Variants in MAD1L1 observed in about 807,000 individuals in gnomAD.
The protein encoded by MAD1L1 is mitotic spindle assembly checkpoint protein MAD1.
Under a neutral mutation model 96.9 loss-of-function variants are expected in MAD1L1, and 95 were observed. The observed-to-expected ratio is 0.98, with a 90% confidence interval of 0.83 to 1.16. The LOEUF is 1.16. Ranked by LOEUF, MAD1L1 falls within the 50% of genes most tolerant of loss-of-function variation. MAD1L1 has a pLI of 0.00. For synonymous variants in MAD1L1, 473 were observed against 396.6 expected, an observed-to-expected ratio of 1.19 and a Z score of -2.29; for missense variants, 1,007 against 954.4, an observed-to-expected ratio of 1.06 and a Z score of -0.73.
intron 17 of MAD1L1, among the ~76,000 whole-genome samples, chr7:1,931,310 G>A (rs1047610129): frequency 8.5e-5 from 13 of 152,258 alleles, no homozygotes; most frequent in African/African-American, 2.9e-4. Flanking sequence ...CTGACACTGC[G>A]GGCACACCCT....
intron 11 of MAD1L1, among the ~76,000 whole-genome samples, chr7:2,083,581 G>A (rs1584278445): frequency 1.3e-5 from 2 of 152,332 alleles, no homozygotes; most frequent in Non-Finnish European, 1.5e-5. Context: ...AGCGCAGGGC[G>A]GGCTGTCGGG....
At chr7:1,845,433 C>T (rs35729895) in intron 18 of MAD1L1, 2,399 of 68,072 alleles carry the variant, frequency 0.035, 26 homozygotes, top group South Asian at 0.068. Flanking sequence ...CTCTGGTTCA[C>T]GGGGAAGAGC....
chr7:2,219,584 AGGGGCAGAGGAATAAG>A, intron 5 of MAD1L1, 128 bp from the exon 6 acceptor site: 2 of 697,354 alleles, frequency 2.9e-6, no homozygotes, highest in Admixed American at 3.4e-5. Flanking sequence ...CAGGAGGCAG[AGGGGCAGAGGAATAAG>A]GGGGCAGAGG....
chr7:2,232,649 A>G (rs938082700), intron 1 of MAD1L1, among the ~76,000 whole-genome samples: 1 of 151,924 alleles, frequency 6.6e-6, no homozygotes, highest in African/African-American at 2.4e-5. Flanking sequence ...CACAGCCCAA[A>G]GGGGGAGTGG....
chr7:1,863,617 CT>C (rs987791692), intron 18 of MAD1L1, among the ~76,000 whole-genome samples: 5 of 152,216 alleles, frequency 3.3e-5, no homozygotes, highest in Admixed American at 6.5e-5. Context: ...AGACCGTCAC[CT>C]GCCCACACCC....
At chr7:1,894,284 C>T (rs910911560) in intron 18 of MAD1L1, among the ~76,000 whole-genome samples, 21 of 152,170 alleles carry the variant, frequency 1.4e-4, no homozygotes, top group African/African-American at 3.9e-4. Flanking sequence ...AAGGGCAGCT[C>T]GGAGGAGGAC....
chr7:2,013,110 G>A (rs1200653873), intron 13 of MAD1L1, among the ~76,000 whole-genome samples: 1 of 152,250 alleles, frequency 6.6e-6, no homozygotes, highest in Non-Finnish European at 1.5e-5. Context: ...AGGGGCCAGA[G>A]GCTCTGTCAG....
chr7:1,855,261 C>T (rs777473895), intron 18 of MAD1L1, among the ~76,000 whole-genome samples: 9 of 152,058 alleles, frequency 5.9e-5, no homozygotes, highest in African/African-American at 1.7e-4. Context: ...CACACCCACA[C>T]GAGCCTCCCT....
chr7:1,888,217 T>C (rs1057070794), intron 18 of MAD1L1, among the ~76,000 whole-genome samples: 2 of 150,990 alleles, frequency 1.3e-5, no homozygotes, highest in Middle Eastern at 6.9e-3. Context: ...TGTGCATGTG[T>C]GTGCATGCAT....
chr7:2,022,845 G>T (rs1782845825), intron 12 of MAD1L1, among the ~76,000 whole-genome samples: 1 of 152,098 alleles, frequency 6.6e-6, no homozygotes, highest in African/African-American at 2.4e-5. Context: ...CACTTTGAAA[G>T]GAAAGGAAGA....
intron 14 of MAD1L1, among the ~76,000 whole-genome samples, chr7:1,981,547 C>G (rs750200629): frequency 6.6e-6 from 1 of 152,152 alleles, no homozygotes; most frequent in Non-Finnish European, 1.5e-5. Flanking sequence ...AATCCTGCCC[C>G]TGGCCCAAGT....
intron 12 of MAD1L1, among the ~76,000 whole-genome samples, chr7:2,048,177 G>A (rs1017490065): frequency 1.3e-5 from 2 of 152,168 alleles, no homozygotes; most frequent in African/African-American, 2.4e-5. Flanking sequence ...ATGAACACCC[G>A]GGTGCACGCA....
At chr7:1,941,915 G>C (rs1779018800) in intron 16 of MAD1L1, among the ~76,000 whole-genome samples, 1 of 152,180 alleles carries the variant, frequency 6.6e-6, no homozygotes, top group Non-Finnish European at 1.5e-5. Context: ...CAGGCACCTA[G>C]TCGTCTTTCT....
intron 17 of MAD1L1, among the ~76,000 whole-genome samples, chr7:1,904,878 G>T (rs1383233053): frequency 9.2e-6 from 1 of 108,836 alleles, no homozygotes; most frequent in East Asian, 2.7e-4. Context: ...CATGATTGAT[G>T]AAGCACTGTT....
chr7:2,023,801 T>C (rs1002091803), intron 12 of MAD1L1, among the ~76,000 whole-genome samples: 2 of 151,772 alleles, frequency 1.3e-5, no homozygotes, highest in Admixed American at 6.6e-5. Context: ...ATACAAAAAT[T>C]AGCCAGGCGT....
intron 17 of MAD1L1, among the ~76,000 whole-genome samples, chr7:1,933,428 C>G (rs114049156): frequency 0.016 from 2,383 of 152,286 alleles, 56 homozygotes; most frequent in African/African-American, 0.055. Flanking sequence ...GGTGTGCGAT[C>G]CAGGCCCACA....
Position 2,230,535 on chromosome 7 carries a change from G to A in MAD1L1, c.-11+14C>T. On this transcript the variant is annotated intron_variant, in intron 2 of 18. Coordinates refer to ENST00000265854, the MANE Select transcript of MAD1L1 (RefSeq NM_001013836.2). ...AGACACAAGAGAAGGGCTTTATTGG[G>A]GAAACTGACTCACGCGATTACAGAG... 1 of 185,988 alleles carries A rather than the reference G, an allele frequency of 5.4e-6. No individual in the cohort carries two copies. The highest frequency in any genetic ancestry group is 1.1e-5 in the Non-Finnish European group (1 of 87,258). 11.5% of individuals were successfully genotyped at this position (185,988 alleles called of 1,614,324 possible).
chr7:2,221,155 AC>A, intron 5 of MAD1L1: 1 of 790,162 alleles, frequency 1.3e-6, no homozygotes, highest in Non-Finnish European at 2.0e-6. Flanking sequence ...ACTATGCCCC[AC>A]CCCACCGGGC....
At chr7:2,066,755 G>T (rs1784891549) in intron 12 of MAD1L1, among the ~76,000 whole-genome samples, 1 of 152,226 alleles carries the variant, frequency 6.6e-6, no homozygotes, top group Admixed American at 6.5e-5. Context: ...GTGACTGCAT[G>T]TAACTCCTCA....
Sources: gnomAD v4.1 joint callset for allele counts (sites outside exome capture counted in the v4.1 genomes callset) on GRCh38, gnomAD v4.1.1 for gene constraint, MANE v1.5 for transcripts, NCBI Gene and HGNC (gene_info 2026-07-23, HGNC 2026-07-21) for gene names.